Variants in DPP6 observed in about 807,000 individuals in gnomAD.
DPP6 encodes the protein A-type potassium channel modulatory protein DPP6.
Under a neutral mutation model 122.6 loss-of-function variants are expected in DPP6, and 69 were observed. The observed-to-expected ratio is 0.56, with a 90% CI of 0.46 to 0.69. The LOEUF is 0.69. DPP6 is among the 30% of genes least tolerant of loss of function. DPP6 has a pLI of 0.00. For missense variants in DPP6, 928 were observed against 1,116.9 expected (o/e 0.83, Z 2.41); for synonymous variants, 418 against 433.1 (o/e 0.97, Z 0.43).
At chr7:153,918,835 T>C (rs1260317588) in intron 1 of DPP6, among the ~76,000 whole-genome samples, 2 of 151,724 alleles carry the variant, frequency 1.3e-5, no homozygotes, top group African/African-American at 4.8e-5. Context: ...AAAAATTAGC[T>C]GGGCATGGTG....
At chr7:154,104,585 G>A (rs1205301351) in intron 1 of DPP6, among the ~76,000 whole-genome samples, 1 of 152,272 alleles carries the variant, frequency 6.6e-6, no homozygotes, top group East Asian at 1.9e-4. Context: ...CATGGGACAT[G>A]TGGTATTTTC....
chr7:153,911,391 GACTATTATC>G (rs1800087571), intron 1 of DPP6, among the ~76,000 whole-genome samples: 1 of 152,176 alleles, frequency 6.6e-6, no homozygotes, highest in South Asian at 2.1e-4. Context: ...TGGTTGGCAT[GACTATTATC>G]TGTCTCCACA....
intron 10 of DPP6, among the ~76,000 whole-genome samples, chr7:154,776,447 C>T: frequency 6.6e-6 from 1 of 152,136 alleles, no homozygotes; most frequent in East Asian, 1.9e-4. Context: ...TTTCACATGG[C>T]AGCCCCACCC....
the DPP6 span, among the ~76,000 whole-genome samples, chr7:153,763,777 G>A: frequency 6.6e-6 from 1 of 152,086 alleles, no homozygotes; most frequent in East Asian, 1.9e-4. Context: ...CTGCCCAACG[G>A]GTCTCAGAAA....
At chr7:154,874,819 A>T (rs546408340) in intron 19 of DPP6, among the ~76,000 whole-genome samples, 1 of 152,320 alleles carries the variant, frequency 6.6e-6, no homozygotes, top group East Asian at 1.9e-4. Flanking sequence ...AAAATCACTT[A>T]AAAACTTCCC....
chr7:154,358,730 A>T (rs1333788170), intron 1 of DPP6, among the ~76,000 whole-genome samples: 1 of 152,122 alleles, frequency 6.6e-6, no homozygotes, highest in East Asian at 1.9e-4. Flanking sequence ...TTTTGAGATG[A>T]AGTCTAGCTC....
At chr7:154,225,205 A>G (rs953228898) in intron 1 of DPP6, among the ~76,000 whole-genome samples, 6 of 152,142 alleles carry the variant, frequency 3.9e-5, no homozygotes, top group African/African-American at 1.2e-4. Context: ...GAGTAAGCAT[A>G]TCATACACAA....
intron 5 of DPP6, among the ~76,000 whole-genome samples, chr7:154,570,914 T>C (rs1336395914): frequency 6.6e-6 from 1 of 152,216 alleles, no homozygotes; most frequent in Non-Finnish European, 1.5e-5. Flanking sequence ...GCATCTGGAA[T>C]GTTGAAAATA....
intron 17 of DPP6, among the ~76,000 whole-genome samples, chr7:154,866,027 G>A (rs1186118667): frequency 1.3e-5 from 2 of 152,214 alleles, no homozygotes; most frequent in East Asian, 1.9e-4. Context: ...TTGGTGTTAA[G>A]TGTATCCAGA....
At chr7:153,941,291 C>A (rs185723694) in intron 1 of DPP6, among the ~76,000 whole-genome samples, 1 of 152,300 alleles carries the variant, frequency 6.6e-6, no homozygotes, top group African/African-American at 2.4e-5. Context: ...CTGTGACCCA[C>A]GAATGCCATG....
At chr7:154,005,405 CTTGGTGG>C (rs1797870796) in intron 1 of DPP6, among the ~76,000 whole-genome samples, 1 of 151,806 alleles carries the variant, frequency 6.6e-6, no homozygotes, top group African/African-American at 2.4e-5. Flanking sequence ...AGGTCGAACG[CTTGGTGG>C]TTTGTCCTTG....
intron 1 of DPP6, among the ~76,000 whole-genome samples, chr7:154,083,899 A>T (rs1429012833): frequency 6.8e-6 from 1 of 147,002 alleles, no homozygotes; most frequent in African/African-American, 2.6e-5. Flanking sequence ...ATGGGAGAAC[A>T]GCTGCCTTAT....
intron 1 of DPP6, among the ~76,000 whole-genome samples, chr7:153,989,222 AGT>A (rs1797014998): frequency 2.3e-5 from 3 of 127,762 alleles, no homozygotes; most frequent in Non-Finnish European, 3.3e-5. Context: ...AATGGGAGAA[AGT>A]GTGAGCGTGT....
At chr7:154,797,180 C>T (rs1208135714) in intron 12 of DPP6, among the ~76,000 whole-genome samples, 1 of 152,170 alleles carries the variant, frequency 6.6e-6, no homozygotes, top group Admixed American at 6.5e-5. Context: ...ATCATGTGTT[C>T]AACCAATATT....
chr7:154,517,473 G>A (rs1826614613), intron 3 of DPP6, among the ~76,000 whole-genome samples: 1 of 152,038 alleles, frequency 6.6e-6, no homozygotes, highest in Non-Finnish European at 1.5e-5. Flanking sequence ...GACAGGGTGT[G>A]GAAGGTGAAC....
intron 1 of DPP6, among the ~76,000 whole-genome samples, chr7:154,174,409 A>G (rs924469487): frequency 6.6e-6 from 1 of 152,266 alleles, no homozygotes; most frequent in Admixed American, 6.5e-5. Context: ...AGTGTGAAGT[A>G]GATCCACACA....
At chr7:154,685,145 C>A (rs376261283) in intron 7 of DPP6, among the ~76,000 whole-genome samples, 6 of 152,202 alleles carry the variant, frequency 3.9e-5, no homozygotes, top group African/African-American at 1.2e-4. Context: ...GTAACAGAGC[C>A]AGCATGGCAA....
chr7:154,856,667 C>T (rs763615286), intron 17 of DPP6, among the ~76,000 whole-genome samples: 5 of 152,204 alleles, frequency 3.3e-5, no homozygotes, highest in Non-Finnish European at 7.3e-5. Flanking sequence ...ACTACATTAA[C>T]CAATCAATCC....
intron 3 of DPP6, among the ~76,000 whole-genome samples, chr7:154,505,883 T>A (rs11766087): frequency 0.086 from 13,072 of 152,250 alleles, 601 homozygotes; most frequent in Middle Eastern, 0.12. Context: ...AGCCCTCACT[T>A]GGAGTGGAAG....
Sources: allele counts gnomAD v4.1 joint callset (sites outside exome capture counted in the v4.1 genomes callset), GRCh38; gene constraint gnomAD v4.1.1; transcripts MANE v1.5; gene names NCBI Gene and HGNC (gene_info 2026-07-23, HGNC 2026-07-21).